MRTFB: variants seen among roughly 807,000 people sequenced by gnomAD.
MRTFB encodes myocardin related transcription factor B.
MRTFB carries 29 observed loss-of-function variants against 104.2 expected under a neutral mutation model. The ratio of observed to expected loss-of-function variants is 0.28; its 90% CI spans 0.21 to 0.38. The LOEUF is 0.38. Ranked by LOEUF, MRTFB falls within the 10% of genes least tolerant of loss-of-function variation. The probability of loss-of-function intolerance (pLI) is 1.00; values close to 1 mark genes in which losing one functional copy is unlikely to be tolerated. For synonymous variants in MRTFB, 535 were observed against 519.5 expected (o/e 1.03, Z -0.41); for missense variants, 1,270 against 1,341.6 (o/e 0.95, Z 0.83).
At chr16:14,021,636 C>T in the MRTFB span, among the ~76,000 whole-genome samples, 17 of 152,186 alleles carry the variant, frequency 1.1e-4, no homozygotes, top group Admixed American at 1.1e-3. Flanking sequence ...TTTGCATCCT[C>T]ATAGCTTAGC....
At chr16:14,012,745 T>A in the MRTFB span, among the ~76,000 whole-genome samples, 1 of 152,086 alleles carries the variant, frequency 6.6e-6, no homozygotes, top group East Asian at 1.9e-4. Flanking sequence ...ATGGTAGAAC[T>A]GGGATTTGAA....
chr16:14,181,550 T>C (rs1389001287), intron 3 of MRTFB, among the ~76,000 whole-genome samples: 1 of 152,194 alleles, frequency 6.6e-6, no homozygotes, highest in African/African-American at 2.4e-5. Context: ...AAGGTCATCT[T>C]TACTCAATCT....
intron 2 of MRTFB, among the ~76,000 whole-genome samples, chr16:14,139,836 C>G (rs902273001): frequency 1.3e-5 from 2 of 152,224 alleles, no homozygotes; most frequent in African/African-American, 4.8e-5. Context: ...ACTGCCATAA[C>G]ATGGACTGAC....
At chr16:14,245,413 C>G (rs144249583) in intron 10 of MRTFB, 115 bp from the exon 11 acceptor site, 1 of 843,726 alleles carries the variant, frequency 1.2e-6, no homozygotes, top group African/African-American at 1.7e-5. Flanking sequence ...ATTCAGCCTT[C>G]CAATCCATAA....
the MRTFB span, among the ~76,000 whole-genome samples, chr16:14,060,280 C>T: frequency 2.6e-5 from 4 of 151,988 alleles, no homozygotes; most frequent in Admixed American, 6.6e-5. Context: ...GTGCTGAAAT[C>T]ACAGGTGTGA....
At chr16:14,186,273 C>T (rs2039949408) in intron 3 of MRTFB, among the ~76,000 whole-genome samples, 3 of 152,218 alleles carry the variant, frequency 2.0e-5, no homozygotes, top group African/African-American at 4.8e-5. Flanking sequence ...TGTCTTCATT[C>T]ACATATGCTG....
intron 2 of MRTFB, among the ~76,000 whole-genome samples, chr16:14,103,511 C>T (rs938905734): frequency 3.3e-5 from 5 of 152,158 alleles, no homozygotes; most frequent in African/African-American, 9.7e-5. Context: ...TGCCTTTACT[C>T]AGTGCTGATT....
upstream of MRTFB, among the ~76,000 whole-genome samples, chr16:14,069,425 T>C (rs980755540): frequency 6.6e-6 from 1 of 152,218 alleles, no homozygotes; most frequent in African/African-American, 2.4e-5. Flanking sequence ...CTTTCCAGTT[T>C]GGAGATGGCA....
the MRTFB span, among the ~76,000 whole-genome samples, chr16:14,021,787 G>A: frequency 1.1e-4 from 17 of 152,212 alleles, no homozygotes; most frequent in South Asian, 4.2e-4. Flanking sequence ...GTATTCCATC[G>A]TATATACCAC....
intron 3 of MRTFB, among the ~76,000 whole-genome samples, chr16:14,164,042 C>A (rs2039140543): frequency 6.6e-6 from 1 of 152,132 alleles, no homozygotes; most frequent in Non-Finnish European, 1.5e-5. Flanking sequence ...TTTATCATTT[C>A]TATGTGTTGG....
At chr16:14,003,020 A>T in the MRTFB span, among the ~76,000 whole-genome samples, 2 of 152,122 alleles carry the variant, frequency 1.3e-5, no homozygotes, top group Non-Finnish European at 2.9e-5. Context: ...AAGATGAGAC[A>T]GGTGAGGTTG....
chr16:14,055,540 T>G, the MRTFB span, among the ~76,000 whole-genome samples: 3 of 152,330 alleles, frequency 2.0e-5, no homozygotes, highest in Admixed American at 2.0e-4. Flanking sequence ...TTCCTTGTCT[T>G]TTATGACTTT....
chr16:14,263,208 A>C lies in MRTFB; in HGVS notation c.*1764A>C, dbSNP rs374696629. 8.7e-4 allele frequency: 132 copies of C among 152,348 alleles called. No individual in the cohort carries two copies. The highest frequency in any genetic ancestry group is 3.0e-3 in the African/African-American group (123 of 41,578). 9.4% of individuals were successfully genotyped at this position (152,348 alleles called of 1,614,324 possible). ...AGTGTAGTCTGTGATGAATAGTTTA[A>C]GTGTTCAGAAATTGGTAAACCAACA... On this transcript the variant is annotated 3_prime_UTR_variant, in exon 17 of 17. Transcript: ENST00000571589.
In MRTFB at chr16:14,217,108, C is replaced by A. The variant is rs1267978025; in HGVS notation, c.353-18C>A. 4 of 1,593,048 alleles carry A rather than the reference C, an allele frequency of 2.5e-6. No individual in the cohort carries two copies. Among genetic ancestry groups the A allele is most frequent in the Non-Finnish European group, 3.4e-6 (4 of 1,171,338 alleles). On this transcript the variant is annotated intron_variant, in intron 6 of 16. Coordinates refer to ENST00000571589, the MANE Select transcript of MRTFB (RefSeq NM_001308142.2). ...ATAGTAATTCGAGTAATGGTTAAAA[C>A]TGTGTTTCCTCTTTTAGAAACATTT...
the MRTFB span, among the ~76,000 whole-genome samples, chr16:14,017,090 T>C: frequency 1.4e-5 from 2 of 138,220 alleles, no homozygotes; most frequent in Non-Finnish European, 3.0e-5. Flanking sequence ...GGAGTCTCGC[T>C]CTGTTGCCCA....
chr16:14,142,967 CCA>C (rs941350672), intron 3 of MRTFB: 8 of 151,968 alleles, frequency 5.3e-5, no homozygotes, highest in African/African-American at 1.9e-4. Context: ...ATTGCTTTAA[CCA>C]CTCTCATTGT....
chr16:14,242,684 A>C (rs1222673566), intron 10 of MRTFB, among the ~76,000 whole-genome samples: 1 of 152,160 alleles, frequency 6.6e-6, no homozygotes, highest in Non-Finnish European at 1.5e-5. Context: ...CCCGAAGGCC[A>C]CTGCATCCCT....
chr16:14,172,232 C>G (rs535029499), intron 3 of MRTFB, among the ~76,000 whole-genome samples: 3 of 152,120 alleles, frequency 2.0e-5, no homozygotes, highest in African/African-American at 7.2e-5. Context: ...CCGCCTCCCC[C>G]CCACAAACAA....
intron 8 of MRTFB, among the ~76,000 whole-genome samples, chr16:14,224,077 A>G (rs1008079064): frequency 2.6e-5 from 4 of 152,074 alleles, no homozygotes; most frequent in Non-Finnish European, 5.9e-5. Context: ...ATGTCTTCAC[A>G]TGACAGCAGG....
Sources: allele counts gnomAD v4.1 joint callset (sites outside exome capture counted in the v4.1 genomes callset), GRCh38; gene constraint gnomAD v4.1.1; transcripts MANE v1.5; gene names NCBI Gene and HGNC (gene_info 2026-07-23, HGNC 2026-07-21).